LIPI: variants seen among roughly 807,000 people sequenced by gnomAD.
The protein encoded by LIPI is lipase member I.
In LIPI, 59 loss-of-function variants were observed where a neutral mutation model predicts 50.6. The observed-to-expected ratio is 1.16, with a 90% confidence interval of 0.94 to 1.45. The LOEUF is 1.45. Among genes scored for constraint, LIPI ranks in the 40% most tolerant of loss-of-function variants. LIPI has a pLI of 0.00. For missense variants in LIPI, 586 were observed against 536.3 expected, an observed-to-expected ratio of 1.09 and a Z score of -0.92; for synonymous variants, 203 against 178.2, an observed-to-expected ratio of 1.14 and a Z score of -1.11.
chr21:14,194,674 G>A (rs1030770434), intron 1 of LIPI, among the ~76,000 whole-genome samples: 7 of 152,118 alleles, frequency 4.6e-5, no homozygotes, highest in African/African-American at 1.7e-4. Flanking sequence ...ATATTTAATA[G>A]ATATAGAGTT....
intron 4 of LIPI, among the ~76,000 whole-genome samples, chr21:14,170,083 C>T (rs548879181): frequency 1.6e-4 from 25 of 152,366 alleles, no homozygotes; most frequent in African/African-American, 6.0e-4. Flanking sequence ...ATACTACAAA[C>T]ACCTCGACGC....
chr21:14,143,720 T>C (rs1359498483), intron 9 of LIPI: 1 of 152,164 alleles, frequency 6.6e-6, no homozygotes, highest in African/African-American at 2.4e-5. Flanking sequence ...GACCAACTTA[T>C]AAAAGAGATT....
At chr21:14,174,254 G>A (rs867487657) in intron 4 of LIPI, among the ~76,000 whole-genome samples, 9 of 152,154 alleles carry the variant, frequency 5.9e-5, no homozygotes, top group South Asian at 2.1e-4. Context: ...GGGGCAGCTT[G>A]GTCTGCTTAG....
chr21:14,128,508 C>G (rs963243027), intron 9 of LIPI, among the ~76,000 whole-genome samples: 6 of 151,976 alleles, frequency 3.9e-5, no homozygotes, highest in Non-Finnish European at 2.9e-5. Flanking sequence ...AGATTTGTTG[C>G]AAGGACTGAA....
In LIPI at chr21:14,164,280, C is replaced by T. The variant is rs552582324; in HGVS notation, c.902-757G>A. ...TGCCTTTATGTGATTTATATATTCA[C>T]TCTGGGTTACAATTTCTCATTACAT... On this transcript the variant is annotated intron_variant, in intron 6 of 9. Coordinates refer to ENST00000681601, the MANE Select transcript of LIPI (RefSeq NM_001302998.2). 5.3e-5 allele frequency among the ~76,000 whole-genome samples: 8 copies of T among 152,150 alleles called. No individual in the cohort carries two copies. The South Asian group carries it at 1.0e-3, about 20-fold the overall frequency.
At chr21:14,122,731 A>G (rs180984241) in intron 9 of LIPI, among the ~76,000 whole-genome samples, 93 of 152,036 alleles carry the variant, frequency 6.1e-4, no homozygotes, top group African/African-American at 2.0e-3. Context: ...AACACATGCA[A>G]CCCCCTTAAT....
chr21:14,167,034 T>G lies in LIPI; in HGVS notation c.644-583A>C, dbSNP rs115356762. On this transcript the variant is annotated intron_variant, in intron 4 of 9. Coordinates refer to ENST00000681601, the MANE Select transcript of LIPI (RefSeq NM_001302998.2). ...TAATACTGCGCTTCTGCGATGGGCTTAAAAAACGGCCCACCAGGAGATTAT... is the reference window on the plus strand; with the variant it reads ...TAATACTGCGCTTCTGCGATGGGCTGAAAAAACGGCCCACCAGGAGATTAT... Among the ~76,000 whole-genome samples the G allele has an allele frequency of 8.4e-3, 1,285 of 152,294 alleles. 14 individuals are homozygous for G. The highest frequency in any genetic ancestry group is 0.028 in the African/African-American group (1,176 of 41,570).
At chr21:14,161,848 T>TA (rs1568858800) in intron 7 of LIPI, among the ~76,000 whole-genome samples, 1 of 120,662 alleles carries the variant, frequency 8.3e-6, no homozygotes. Context: ...AATATATACA[T>TA]TATTATATAT....
chr21:14,209,747 T>C, intron 1 of LIPI, among the ~76,000 whole-genome samples: 1 of 152,072 alleles, frequency 6.6e-6, no homozygotes, highest in Non-Finnish European at 1.5e-5. Flanking sequence ...AAGTTTTTAA[T>C]GTAAACTATG....
intron 4 of LIPI, among the ~76,000 whole-genome samples, chr21:14,174,646 C>T (rs141525925): frequency 3.3e-5 from 5 of 152,138 alleles, no homozygotes; most frequent in East Asian, 3.9e-4. Context: ...CTCTGCCTAC[C>T]GGGTTTAAGC....
intron 7 of LIPI, among the ~76,000 whole-genome samples, chr21:14,160,189 G>A (rs2018413383): frequency 6.6e-6 from 1 of 151,166 alleles, no homozygotes; most frequent in Admixed American, 6.6e-5. Context: ...TGACAAAGAA[G>A]AATGAAGAGG....
chr21:14,158,095 T>C (rs2018334592), intron 7 of LIPI, among the ~76,000 whole-genome samples: 1 of 151,828 alleles, frequency 6.6e-6, no homozygotes. Context: ...CTGTAATGAC[T>C]TGATGATGTC....
At chr21:14,168,621 A>G (rs1251907269) in intron 4 of LIPI, among the ~76,000 whole-genome samples, 1 of 152,226 alleles carries the variant, frequency 6.6e-6, no homozygotes, top group Non-Finnish European at 1.5e-5. Context: ...ACTAAGCTTC[A>G]TAAGTGAAGG....
chr21:14,125,477 G>T (rs1455159344), intron 9 of LIPI, among the ~76,000 whole-genome samples: 1 of 152,194 alleles, frequency 6.6e-6, no homozygotes, highest in Non-Finnish European at 1.5e-5. Flanking sequence ...AAAGGCAGAC[G>T]ATGAGGAAAA....
chr21:14,124,926 T>C (rs1470420957), intron 9 of LIPI, among the ~76,000 whole-genome samples: 1 of 151,288 alleles, frequency 6.6e-6, no homozygotes, highest in African/African-American at 2.4e-5. Flanking sequence ...ACCCGGGAGG[T>C]GGAGGTTGCG....
chr21:14,185,976 G>A lies in LIPI; in HGVS notation c.526C>T (p.Leu176Phe), dbSNP rs1159976087. ...GFVGKIFHGQ[L>F]GRITGLDPAG... Reference sequence around the variant, plus strand: ...ATAATTTTACCTGTTATTCTTCCAAGTTGACCATGAAATATCTTTCCAACA... The same window carrying A: ...ATAATTTTACCTGTTATTCTTCCAAATTGACCATGAAATATCTTTCCAACA... The change falls in exon 3 of 10, where the codon CTT becomes TTT. Residue 176 changes from leucine to phenylalanine, a missense_variant. Coordinates refer to ENST00000681601, the MANE Select transcript of LIPI (RefSeq NM_001302998.2). The A allele has an allele frequency of 6.5e-7, 1 of 1,543,746 alleles. No individual in the cohort carries two copies. The highest frequency in any genetic ancestry group is 1.4e-5 in the African/African-American group (1 of 73,630).
rs2019476481 is a variant in LIPI, at chr21:14,186,922, T to C, written c.433-853A>G. Among the ~76,000 whole-genome samples, 4 of 152,170 alleles carry C rather than the reference T, an allele frequency of 2.6e-5. No individual in the cohort carries two copies. In the South Asian group the frequency reaches 8.3e-4, roughly 32 times the overall value. On this transcript the variant is annotated intron_variant, in intron 2 of 9. Coordinates refer to ENST00000681601, the MANE Select transcript of LIPI (RefSeq NM_001302998.2). Reference sequence around the variant, plus strand: ...GAAACTATGAGAAATAAATGTTTCTTGTTTATAAGCTACCTAGCCTATGGT... The same window carrying C: ...GAAACTATGAGAAATAAATGTTTCTCGTTTATAAGCTACCTAGCCTATGGT...
At chr21:14,133,152 C>T (rs2017360119) in intron 9 of LIPI, among the ~76,000 whole-genome samples, 1 of 152,136 alleles carries the variant, frequency 6.6e-6, no homozygotes. Context: ...CTTTCTAACT[C>T]ATTCTAAGAG....
intron 7 of LIPI, among the ~76,000 whole-genome samples, chr21:14,154,105 GT>G (rs1289005401): frequency 6.6e-6 from 1 of 151,520 alleles, no homozygotes; most frequent in Admixed American, 6.6e-5. Context: ...GCACAAATAG[GT>G]TTTTTTTAAT....
Sources: allele counts gnomAD v4.1 joint callset (sites outside exome capture counted in the v4.1 genomes callset), GRCh38; gene constraint gnomAD v4.1.1; transcripts MANE v1.5; gene names NCBI Gene and HGNC (gene_info 2026-07-23, HGNC 2026-07-21).